The following KIAA1328 variants were observed in gnomAD, a reference collection of about 807,000 sequenced individuals.
KIAA1328 encodes KIAA1328.
In KIAA1328, 52 loss-of-function variants were observed where a neutral mutation model predicts 68.1. That is an observed-to-expected ratio of 0.76 (90% CI 0.61 to 0.96). The LOEUF is 0.96. Among genes scored for constraint, KIAA1328 ranks in the 40% least tolerant of loss-of-function variants. KIAA1328 has a pLI of 0.00. For synonymous variants in KIAA1328, 232 were observed against 239.4 expected (o/e 0.97, Z 0.28); for missense variants, 641 against 677.6 (o/e 0.95, Z 0.60).
chr18:36,868,654 T>A (rs1055513746), intron 4 of KIAA1328, among the ~76,000 whole-genome samples: 2 of 152,184 alleles, frequency 1.3e-5, no homozygotes, highest in Non-Finnish European at 2.9e-5. Flanking sequence ...TTGCAATTTT[T>A]GATGTATATG....
chr18:37,216,899 C>CTTTTTTT (rs762745405), intron 9 of KIAA1328, among the ~76,000 whole-genome samples: 1 of 90,354 alleles, frequency 1.1e-5, no homozygotes, highest in East Asian at 3.3e-4. Flanking sequence ...TTCTTTGTCT[C>CTTTTTTT]TTTTTTTTTT....
rs186408305 is a variant in KIAA1328 at position 37,203,566 on chromosome 18, T to G, written c.1524-18451T>G. On this transcript the variant is annotated intron_variant, in intron 9 of 9. Coordinates refer to ENST00000280020, the MANE Select transcript of KIAA1328 (RefSeq NM_020776.3). ...CAAGGTTAACTCCTAGTAACCCTAA[T>G]TTTCAGTGAAAAGCCTAGGAAGTAT... Among the ~76,000 whole-genome samples the G allele has an allele frequency of 1.2e-3, 190 of 152,334 alleles. 3 individuals are homozygous for G. The highest frequency in any genetic ancestry group is 4.4e-3 in the African/African-American group (184 of 41,576).
intron 7 of KIAA1328, among the ~76,000 whole-genome samples, chr18:37,158,111 T>G (rs1339034994): frequency 6.6e-6 from 1 of 151,910 alleles, no homozygotes; most frequent in Non-Finnish European, 1.5e-5. Context: ...TATCTCACTA[T>G]AAGCCCAAAC....
intron 9 of KIAA1328, among the ~76,000 whole-genome samples, chr18:37,181,065 G>A (rs575184201): frequency 6.6e-6 from 1 of 152,134 alleles, no homozygotes; most frequent in East Asian, 1.9e-4. Context: ...ACTTTTTAAA[G>A]TATGAGCTGT....
At chr18:36,929,904 T>C (rs2050252152) in intron 5 of KIAA1328, among the ~76,000 whole-genome samples, 1 of 152,130 alleles carries the variant, frequency 6.6e-6, no homozygotes. Flanking sequence ...CAGTCCAAAC[T>C]GTGTAAGACA....
In KIAA1328 at chr18:36,975,243, C is replaced by T. The variant is rs926889928; in HGVS notation, c.576+15808C>T. On this transcript the variant is annotated intron_variant, in intron 6 of 9. Transcript: ENST00000280020. ...TGTCGCCCAGTCTGGAGTGCAGTGG[C>T]GGGATCTCGGCTCACTGCAAGCTCT... Among the ~76,000 whole-genome samples the T allele has an allele frequency of 3.0e-4, 41 of 136,334 alleles. No homozygotes were observed. The East Asian group carries it at 3.7e-3, about 12-fold the overall frequency. 89.4% of individuals were successfully genotyped at this position (136,334 alleles called of 152,430 possible). A position where few individuals can be genotyped will look rare whatever the true frequency, so the allele number is the denominator to read the frequency against.
At chr18:36,937,195 A>G (rs542899784) in intron 5 of KIAA1328, among the ~76,000 whole-genome samples, 46 of 152,316 alleles carry the variant, frequency 3.0e-4, no homozygotes, top group African/African-American at 9.6e-4. Flanking sequence ...CTTACACCCT[A>G]TACAAAAATT....
intron 6 of KIAA1328, among the ~76,000 whole-genome samples, chr18:37,065,647 AT>A (rs2056314152): frequency 6.6e-6 from 1 of 152,170 alleles, no homozygotes; most frequent in Admixed American, 6.5e-5. Flanking sequence ...AGCTGGATTC[AT>A]TTTCAGAAAT....
At chr18:36,862,720 T>C (rs2047605619) in intron 4 of KIAA1328, among the ~76,000 whole-genome samples, 1 of 152,196 alleles carries the variant, frequency 6.6e-6, no homozygotes, top group Non-Finnish European at 1.5e-5. Flanking sequence ...CTGTAACTAA[T>C]GTTTAGTTTC....
At chr18:36,868,483 G>T (rs926250505) in intron 4 of KIAA1328, among the ~76,000 whole-genome samples, 3 of 152,182 alleles carry the variant, frequency 2.0e-5, no homozygotes, top group South Asian at 2.1e-4. Context: ...ACTATAGTTT[G>T]TGCTGAAAGA....
intron 6 of KIAA1328, among the ~76,000 whole-genome samples, chr18:37,004,225 A>G (rs1457244081): frequency 1.3e-5 from 2 of 151,956 alleles, no homozygotes; most frequent in African/African-American, 4.8e-5. Flanking sequence ...TGAGCATGGG[A>G]GGTGTTTCCA....
chr18:36,897,727 G>T (rs894707796), intron 5 of KIAA1328, among the ~76,000 whole-genome samples: 1 of 152,068 alleles, frequency 6.6e-6, no homozygotes, highest in Non-Finnish European at 1.5e-5. Flanking sequence ...TAGTTCAGCA[G>T]TATAGAGGAA....
At chr18:36,896,620 A>G (rs1239913200) in intron 5 of KIAA1328, among the ~76,000 whole-genome samples, 1 of 152,156 alleles carries the variant, frequency 6.6e-6, no homozygotes, top group Non-Finnish European at 1.5e-5. Flanking sequence ...TTGTTTAATT[A>G]TCTTTTTTTC....
intron 7 of KIAA1328, among the ~76,000 whole-genome samples, chr18:37,115,051 C>A (rs986808807): frequency 3.3e-5 from 5 of 152,134 alleles, no homozygotes; most frequent in South Asian, 2.1e-4. Flanking sequence ...AAGTCCAGGA[C>A]CAGACGGATT....
At chr18:36,995,974 T>A (rs552327362) in intron 6 of KIAA1328, among the ~76,000 whole-genome samples, 1 of 152,228 alleles carries the variant, frequency 6.6e-6, no homozygotes, top group Non-Finnish European at 1.5e-5. Context: ...CTTTTGTTTA[T>A]TGGTCACTTC....
intron 9 of KIAA1328, 115 bp from the exon 10 acceptor site, chr18:37,221,902 C>T: frequency 9.8e-7 from 1 of 1,019,750 alleles, no homozygotes; most frequent in Non-Finnish European, 1.5e-6. Context: ...TCATCTTATG[C>T]ATGATGTGAT....
downstream of KIAA1328, chr18:37,232,120 A>C (rs2060666303): frequency 6.6e-6 from 1 of 152,242 alleles, no homozygotes; most frequent in South Asian, 2.1e-4. Context: ...ATTATAATAA[A>C]TTCATGCTAT....
intron 7 of KIAA1328, among the ~76,000 whole-genome samples, chr18:37,068,886 G>T (rs1227592820): frequency 1.3e-5 from 2 of 151,958 alleles, no homozygotes. Context: ...CAAAGTGCTG[G>T]AATTACAGCC....
At chr18:37,192,401 A>G (rs2059923546) in intron 9 of KIAA1328, among the ~76,000 whole-genome samples, 1 of 152,192 alleles carries the variant, frequency 6.6e-6, no homozygotes, top group Non-Finnish European at 1.5e-5. Context: ...TGTGCTTTCA[A>G]TAATGTGTAG....
Sources: allele counts gnomAD v4.1 joint callset (sites outside exome capture counted in the v4.1 genomes callset), GRCh38; gene constraint gnomAD v4.1.1; transcripts MANE v1.5; gene names NCBI Gene and HGNC (gene_info 2026-07-23, HGNC 2026-07-21).